SDS: variants seen among roughly 807,000 people sequenced by gnomAD.
SDS encodes serine dehydratase.
SDS carries 19 observed loss-of-function variants against 29.3 expected under a neutral mutation model. That is an observed-to-expected ratio of 0.65 (90% CI 0.45 to 0.95). The LOEUF (loss-of-function observed/expected upper bound fraction) is 0.95. SDS is among the 40% of genes least tolerant of loss of function. The probability of loss-of-function intolerance (pLI) is 0.00; values close to 1 mark genes in which losing one functional copy is unlikely to be tolerated. For synonymous variants in SDS, 176 were observed against 189.0 expected, an observed-to-expected ratio of 0.93 and a Z score of 0.56; for missense variants, 375 against 439.9, an observed-to-expected ratio of 0.85 and a Z score of 1.32.
Position 113,393,159 on chromosome 12 carries a change from A to AAGGGGCGTGAC in SDS, c.779-21_779-11dup, listed in dbSNP as rs765838916. The AAGGGGCGTGAC allele has an allele frequency of 3.1e-6, 5 of 1,612,984 alleles. No homozygotes were observed. In the South Asian group the frequency reaches 5.5e-5, roughly 18 times the overall value. The stretch of plus-strand genomic sequence containing the variant: ...AGGATCTTCTCATCATCTGCCAGAG[A>AAGGGGCGTGAC]AGGGGCGTGACAGGGGCGTGGCCTG... On this transcript the variant is annotated splice_polypyrimidine_tract_variant and intron_variant, in intron 7 of 7. Transcript: ENST00000257549.
Position 113,394,019 on chromosome 12 carries a change from G to A in SDS, c.654-3C>T, listed in dbSNP as rs758015294. ...TCACGCCCAGGGCCTTGGCAACACTGAGAGAAGTGGGAACCCAGAAGAGGA... is the reference window on the plus strand; with the variant it reads ...TCACGCCCAGGGCCTTGGCAACACTAAGAGAAGTGGGAACCCAGAAGAGGA... On this transcript the variant is annotated splice_region_variant and splice_polypyrimidine_tract_variant and intron_variant, in intron 6 of 7. Coordinates refer to ENST00000257549, the MANE Select transcript of SDS (RefSeq NM_006843.3). The A allele has an allele frequency of 1.2e-6, 2 of 1,614,008 alleles. No homozygotes were observed. The highest frequency in any genetic ancestry group is 1.3e-5 in the African/African-American group (1 of 75,032).
chr12:113,400,601 A>G (rs1284722977), intron 1 of SDS, among the ~76,000 whole-genome samples: 1 of 152,018 alleles, frequency 6.6e-6, no homozygotes. Flanking sequence ...CAATCCATCC[A>G]CACACACGCA....
intron 1 of SDS, among the ~76,000 whole-genome samples, chr12:113,400,908 C>A (rs1026471815): frequency 6.6e-6 from 1 of 152,116 alleles, no homozygotes; most frequent in Non-Finnish European, 1.5e-5. Context: ...AATCCCAGCA[C>A]TTTGGGAGGC....
intron 2 of SDS, 129 bp from the exon 3 acceptor site, chr12:113,399,280 C>A (rs900628657): frequency 4.6e-5 from 49 of 1,075,882 alleles, no homozygotes; most frequent in Non-Finnish European, 6.5e-5. Flanking sequence ...ATTTGTTCTA[C>A]CCTTGTCTGA....
chr12:113,400,968 A>G (rs974627350), intron 1 of SDS, among the ~76,000 whole-genome samples: 6 of 152,246 alleles, frequency 3.9e-5, no homozygotes, highest in African/African-American at 1.4e-4. Flanking sequence ...CCTGGCTAAC[A>G]TGGTGAAACC....
intron 5 of SDS, among the ~76,000 whole-genome samples, 183 bp from the exon 6 acceptor site, chr12:113,397,575 C>T (rs1957656059): frequency 6.6e-6 from 1 of 152,162 alleles, no homozygotes; most frequent in Non-Finnish European, 1.5e-5. Context: ...GCCACCTGAG[C>T]TACCTGCAAA....
At chr12:113,394,231 T>C (rs895807290) in intron 6 of SDS, among the ~76,000 whole-genome samples, 8 of 152,178 alleles carry the variant, frequency 5.3e-5, no homozygotes, top group African/African-American at 7.2e-5. Context: ...AGTGTTTGAA[T>C]TGACATCATA....
At chr12:113,401,373 T>TTATG (rs199915305) in intron 1 of SDS, among the ~76,000 whole-genome samples, 5,324 of 151,254 alleles carry the variant, frequency 0.035, 114 homozygotes, top group Middle Eastern at 0.088. Context: ...CTTTTAAATT[T>TTATG]TATTCATTCA....
chr12:113,393,490 C>G (rs1957624329), intron 7 of SDS, among the ~76,000 whole-genome samples: 1 of 152,176 alleles, frequency 6.6e-6, no homozygotes, highest in Non-Finnish European at 1.5e-5. Context: ...CTATTTTTTT[C>G]TCTCTTTTTT....
chr12:113,393,129 C>CT lies in SDS; in HGVS notation c.798_799insA (p.Glu267ArgfsTer13), dbSNP rs768942827. 6.2e-7 allele frequency: 1 copy of CT among 1,613,894 alleles called. No individual in the cohort carries two copies. Among genetic ancestry groups the CT allele is most frequent in the Admixed American group, 1.7e-5 (1 of 60,004 alleles). The stretch of plus-strand genomic sequence containing the variant: ...GCCAGGGCTGCCCCGCAGGCGGGCT[C>CT]CACCAGGATCTTCTCATCATCTGCC... On this transcript the variant is annotated frameshift_variant, in exon 8 of 8. Coordinates refer to ENST00000257549, the MANE Select transcript of SDS (RefSeq NM_006843.3). LOFTEE classifies it high-confidence loss of function.
intron 1 of SDS, among the ~76,000 whole-genome samples, 165 bp downstream of exon 1, chr12:113,403,603 A>G (rs1270366554): frequency 2.0e-5 from 3 of 151,746 alleles, no homozygotes; most frequent in East Asian, 3.9e-4. Context: ...TTGTGGCCTC[A>G]AGCAACCCTC....
chr12:113,398,138 A>G (rs772967692), intron 5 of SDS, among the ~76,000 whole-genome samples: 1 of 145,482 alleles, frequency 6.9e-6, no homozygotes, highest in Admixed American at 7.2e-5. Context: ...TGGCGTGATC[A>G]TGGCTCACTG....
intron 7 of SDS, 39 bp from the exon 8 acceptor site, chr12:113,393,188 T>G: frequency 6.3e-7 from 1 of 1,594,450 alleles, no homozygotes; most frequent in Non-Finnish European, 8.6e-7. Flanking sequence ...TGGCCTGAGT[T>G]TCCCAGGGTG....
At chr12:113,395,326 A>T (rs1957638031) in intron 6 of SDS, among the ~76,000 whole-genome samples, 1 of 152,208 alleles carries the variant, frequency 6.6e-6, no homozygotes. Context: ...GCGCTCAGCC[A>T]TGACGTCTTC....
intron 6 of SDS, among the ~76,000 whole-genome samples, chr12:113,396,134 G>C (rs185091129): frequency 6.6e-6 from 1 of 152,076 alleles, no homozygotes; most frequent in Non-Finnish European, 1.5e-5. Context: ...AACTATCAAA[G>C]GTTTGGGGCT....
intron 1 of SDS, among the ~76,000 whole-genome samples, chr12:113,402,970 T>C (rs1255834193): frequency 6.6e-6 from 1 of 152,144 alleles, no homozygotes; most frequent in Non-Finnish European, 1.5e-5. Context: ...TCAGTCGATA[T>C]GAACTATTAT....
chr12:113,394,089 G>A (rs1957630121), intron 6 of SDS, 73 bp from the exon 7 acceptor site: 2 of 1,452,178 alleles, frequency 1.4e-6, no homozygotes, highest in East Asian at 2.3e-5. Flanking sequence ...GGGAGGGAGA[G>A]AAGGAGATGG....
intron 5 of SDS, 69 bp downstream of exon 5, chr12:113,398,446 A>G: frequency 1.0e-6 from 1 of 960,012 alleles, no homozygotes; most frequent in Non-Finnish European, 1.6e-6. Flanking sequence ...TGTGCATCAT[A>G]GCAATGCCTG....
intron 1 of SDS, among the ~76,000 whole-genome samples, chr12:113,401,432 A>G (rs566306499): frequency 6.6e-6 from 1 of 151,956 alleles, no homozygotes; most frequent in Admixed American, 6.6e-5. Flanking sequence ...GGGTTTTGCT[A>G]TGTTGGCCAG....
Sources: gnomAD v4.1 joint callset for allele counts (sites outside exome capture counted in the v4.1 genomes callset) on GRCh38, gnomAD v4.1.1 for gene constraint, MANE v1.5 for transcripts, NCBI Gene and HGNC (gene_info 2026-07-23, HGNC 2026-07-21) for gene names.